BMPR1A: variants seen among roughly 807,000 people sequenced by gnomAD.
BMPR1A encodes the protein bone morphogenetic protein receptor type 1A.
In BMPR1A, 7 loss-of-function variants were observed where a neutral mutation model predicts 66.0. The observed-to-expected ratio is 0.11, with a 90% CI of 0.06 to 0.20. BMPR1A has a LOEUF of 0.20. Ranked by LOEUF, BMPR1A falls within the 10% of genes least tolerant of loss-of-function variation. The pLI, the probability that BMPR1A is intolerant of heterozygous loss-of-function variation, is 1.00. For synonymous variants in BMPR1A, 200 were observed against 229.7 expected (o/e 0.87, Z 1.17); for missense variants, 408 against 669.1 (o/e 0.61, Z 4.31).
intron 1 of BMPR1A, among the ~76,000 whole-genome samples, chr10:86,778,087 G>A (rs1841381446): frequency 6.6e-6 from 1 of 151,980 alleles, no homozygotes. Flanking sequence ...CATATTTATG[G>A]GGTATGTAGT....
At position 86,904,566 on chromosome 10, in the gene BMPR1A, G is replaced by A. The variant is rs75636681; in HGVS notation, c.530+4440G>A. 2.2e-4 allele frequency among the ~76,000 whole-genome samples: 34 copies of A among 152,208 alleles called. No individual in the cohort carries two copies. The East Asian group carries it at 3.5e-3, about 16-fold the overall frequency. Reference sequence around the variant, plus strand: ...CATACAGAAAACTTGAAAGAACCCCGCCCCCTTAGACCTACCCAACAAGAA... The same window carrying A: ...CATACAGAAAACTTGAAAGAACCCCACCCCCTTAGACCTACCCAACAAGAA... On this transcript the variant is annotated intron_variant, in intron 7 of 12. Coordinates refer to ENST00000372037, the MANE Select transcript of BMPR1A (RefSeq NM_004329.3).
At chr10:86,893,793 A>AAAG (rs1294835426) in intron 5 of BMPR1A, among the ~76,000 whole-genome samples, 1 of 151,970 alleles carries the variant, frequency 6.6e-6, no homozygotes, top group East Asian at 1.9e-4. Flanking sequence ...GTCTCAAAAA[A>AAAG]AAAAAAGAAA....
intron 2 of BMPR1A, chr10:86,856,115 T>C (rs542502854): frequency 3.2e-5 from 17 of 524,734 alleles, no homozygotes; most frequent in Middle Eastern, 1.1e-3. Flanking sequence ...TCATAGACTT[T>C]ATTGGTTTTG....
downstream of BMPR1A, chr10:86,931,626 T>G (rs1843812035): frequency 6.6e-6 from 1 of 152,272 alleles, no homozygotes; most frequent in South Asian, 2.1e-4. Flanking sequence ...CTAGCATCCC[T>G]TGTCACCAGT....
intron 1 of BMPR1A, among the ~76,000 whole-genome samples, chr10:86,808,462 A>G (rs748685581): frequency 6.6e-6 from 1 of 151,792 alleles, no homozygotes; most frequent in Non-Finnish European, 1.5e-5. Context: ...TTTGTTTTCT[A>G]TTTTCCAAAG....
chr10:86,873,816 T>C (rs2133307164), intron 2 of BMPR1A, among the ~76,000 whole-genome samples: 1 of 152,354 alleles, frequency 6.6e-6, no homozygotes, highest in East Asian at 1.9e-4. Context: ...TCTATAGTTA[T>C]TTTAGACTTT....
At chr10:86,757,906 T>C (rs1408325844) in intron 1 of BMPR1A, among the ~76,000 whole-genome samples, 1 of 152,180 alleles carries the variant, frequency 6.6e-6, no homozygotes, top group African/African-American at 2.4e-5. Flanking sequence ...TGCAAACACT[T>C]TTACGTTTAG....
chr10:86,797,523 G>A (rs897048768), intron 1 of BMPR1A, among the ~76,000 whole-genome samples: 1 of 151,794 alleles, frequency 6.6e-6, no homozygotes, highest in Non-Finnish European at 1.5e-5. Flanking sequence ...GAACTACTGC[G>A]CCCAGCCAAT....
chr10:86,856,182 A>G, intron 2 of BMPR1A: 1 of 526,458 alleles, frequency 1.9e-6, no homozygotes. Flanking sequence ...ACAGAGTTTG[A>G]CAATAGAATG....
intron 1 of BMPR1A, among the ~76,000 whole-genome samples, chr10:86,779,267 T>C (rs1376507291): frequency 6.6e-6 from 1 of 152,226 alleles, no homozygotes; most frequent in Non-Finnish European, 1.5e-5. Context: ...AGTGGAATGC[T>C]GGATCATATG....
chr10:86,914,486 G>A (rs1331839831), intron 8 of BMPR1A, among the ~76,000 whole-genome samples: 1 of 151,974 alleles, frequency 6.6e-6, no homozygotes, highest in Non-Finnish European at 1.5e-5. Context: ...TCTGATACAG[G>A]GTTTTTGTGC....
intron 1 of BMPR1A, among the ~76,000 whole-genome samples, chr10:86,768,560 T>C (rs991167982): frequency 1.3e-5 from 2 of 152,212 alleles, no homozygotes; most frequent in Non-Finnish European, 2.9e-5. Flanking sequence ...GTCACATCAC[T>C]GAGGAGAGTC....
chr10:86,900,381 T>C (rs1190975783), intron 7 of BMPR1A, among the ~76,000 whole-genome samples: 1 of 152,146 alleles, frequency 6.6e-6, no homozygotes, highest in Non-Finnish European at 1.5e-5. Flanking sequence ...TTCTGGCATC[T>C]GAATGTTTTC....
At position 86,911,045 on chromosome 10, in the gene BMPR1A, C is replaced by CT. The variant is rs1296912836; in HGVS notation, c.531-1193dup. On this transcript the variant is annotated intron_variant, in intron 7 of 12. Coordinates refer to ENST00000372037, the MANE Select transcript of BMPR1A (RefSeq NM_004329.3). The stretch of plus-strand genomic sequence containing the variant: ...TGGAACATACCAGTAGTCCCAGCCA[C>CT]TTGGGAGGCTGAGGTGGGAGGATCA... 4.6e-5 allele frequency among the ~76,000 whole-genome samples: 7 copies of CT among 150,568 alleles called. No homozygotes were observed. The East Asian group carries it at 1.4e-3, about 30-fold the overall frequency.
chr10:86,806,896 G>A (rs957024459), intron 1 of BMPR1A, among the ~76,000 whole-genome samples: 31 of 151,914 alleles, frequency 2.0e-4, no homozygotes, highest in African/African-American at 6.5e-4. Flanking sequence ...TTTTGATAGC[G>A]GGAGTCTCTT....
At chr10:86,778,469 C>G (rs1403894150) in intron 1 of BMPR1A, among the ~76,000 whole-genome samples, 1 of 151,840 alleles carries the variant, frequency 6.6e-6, no homozygotes. Context: ...TATGTGTGGT[C>G]CAAGACAATT....
intron 1 of BMPR1A, among the ~76,000 whole-genome samples, chr10:86,799,521 T>C (rs201947201): frequency 0.22 from 31,088 of 140,822 alleles, 4,237 homozygotes; most frequent in East Asian, 0.61. Context: ...TTTTCTTTTC[T>C]TTTCTTTTCT....
intron 2 of BMPR1A, among the ~76,000 whole-genome samples, chr10:86,874,249 C>T (rs1842890355): frequency 6.6e-6 from 1 of 152,170 alleles, no homozygotes; most frequent in Admixed American, 6.5e-5. Flanking sequence ...TAAAAGTTCA[C>T]TGTCTATATT....
chr10:86,862,929 A>G (rs376749882), intron 2 of BMPR1A, among the ~76,000 whole-genome samples: 2 of 151,926 alleles, frequency 1.3e-5, no homozygotes, highest in Non-Finnish European at 2.9e-5. Flanking sequence ...GACAAATTGT[A>G]TAGTTGCTGA....
Sources: allele counts gnomAD v4.1 joint callset (sites outside exome capture counted in the v4.1 genomes callset), GRCh38; gene constraint gnomAD v4.1.1; transcripts MANE v1.5; gene names NCBI Gene and HGNC (gene_info 2026-07-23, HGNC 2026-07-21).